The following THADA variants were observed in gnomAD, a reference collection of about 807,000 sequenced individuals.
THADA encodes tRNA (32-2'-O)-methyltransferase regulator THADA.
In THADA, 213 loss-of-function variants were observed where a neutral mutation model predicts 219.8. The observed-to-expected ratio is 0.97, with a 90% CI of 0.87 to 1.09. THADA has a LOEUF of 1.09. Among genes scored for constraint, THADA ranks in the 50% least tolerant of loss-of-function variants. THADA has a pLI of 0.00. For synonymous variants in THADA, 1,018 were observed against 828.9 expected, an observed-to-expected ratio of 1.23 and a Z score of -3.92; for missense variants, 2,956 against 2,311.3, an observed-to-expected ratio of 1.28 and a Z score of -5.72.
At chr2:43,457,183 C>CAT (rs1683117401) in intron 26 of THADA, among the ~76,000 whole-genome samples, 2 of 120,648 alleles carry the variant, frequency 1.7e-5, no homozygotes, top group Admixed American at 1.5e-4. Context: ...CACACACACA[C>CAT]ATGCACAGTG....
At chr2:43,317,423 TGGTCCATTCTTTCAA>T (rs914092820) in intron 31 of THADA, among the ~76,000 whole-genome samples, 8 of 152,208 alleles carry the variant, frequency 5.3e-5, no homozygotes, top group African/African-American at 1.9e-4. Flanking sequence ...ATCTAAGACA[TGGTCCATTCTTTCAA>T]GGAGCTTATA....
At chr2:43,465,754 C>T (rs1684154678) in intron 26 of THADA, among the ~76,000 whole-genome samples, 1 of 152,172 alleles carries the variant, frequency 6.6e-6, no homozygotes. Flanking sequence ...CTTCATCTGA[C>T]CTAGACCTCA....
At position 43,579,808 on chromosome 2, in the gene THADA, C is replaced by T. The variant is rs567300878; in HGVS notation, c.722-1201G>A. 7.2e-5 allele frequency among the ~76,000 whole-genome samples: 11 copies of T among 152,216 alleles called. No individual in the cohort carries two copies. In the South Asian group the frequency reaches 2.1e-3, roughly 29 times the overall value. The stretch of plus-strand genomic sequence containing the variant: ...GCAACAAACGTGGGTGAAAACCAAC[C>T]TGCTGAAGATGGCACAGCAGAAAAG... On this transcript the variant is annotated intron_variant, in intron 8 of 37. Transcript: ENST00000405975.
intron 36 of THADA, among the ~76,000 whole-genome samples, chr2:43,278,913 C>A (rs941679814): frequency 1.3e-5 from 2 of 152,178 alleles, no homozygotes; most frequent in Non-Finnish European, 2.9e-5. Context: ...CAGCTTTGAT[C>A]CCTTGCCTCA....
At chr2:43,390,754 G>A (rs927510909) in intron 29 of THADA, among the ~76,000 whole-genome samples, 1 of 152,310 alleles carries the variant, frequency 6.6e-6, no homozygotes, top group Non-Finnish European at 1.5e-5. Context: ...TGGAGGGCAA[G>A]GATGTGTCTC....
At chr2:43,410,858 C>G (rs73923600) in intron 28 of THADA, among the ~76,000 whole-genome samples, 3,027 of 152,146 alleles carry the variant, frequency 0.02, 88 homozygotes, top group African/African-American at 0.066. Flanking sequence ...GTTTATTTTA[C>G]ATCAATTGTA....
intron 36 of THADA, among the ~76,000 whole-genome samples, chr2:43,267,951 C>G (rs536379141): frequency 1.1e-4 from 17 of 152,330 alleles, no homozygotes; most frequent in Middle Eastern, 6.8e-3. Context: ...CCCAAGCTGA[C>G]AGCCCTGGTT....
In THADA at chr2:43,574,753, C is replaced by G; in HGVS notation, c.1312G>C (p.Val438Leu). The change falls in exon 11 of 38, where the codon GTG (valine) becomes CTG (leucine). Residue 438 changes from valine to leucine, a missense_variant. By Grantham distance (32) the Val-to-Leu change is conservative (BLOSUM62 1). Transcript: ENST00000405975. ...CGTAAAAGACTCTCAGTCAATTCCACAAAGAAAGGATCAGGGACGAAATCT... is the reference window on the plus strand; with the variant it reads ...CGTAAAAGACTCTCAGTCAATTCCAGAAAGAAAGGATCAGGGACGAAATCT... Reference protein sequence around the residue: ...GADFVPDPFFVELTESLLRLE... With the variant: ...GADFVPDPFFLELTESLLRLE... 6.2e-7 allele frequency: 1 copy of G among 1,614,006 alleles called. No homozygotes were observed. Among genetic ancestry groups the G allele is most frequent in the Admixed American group, 1.7e-5 (1 of 60,024 alleles).
At chr2:43,503,378 T>C (rs540040355) in intron 24 of THADA, among the ~76,000 whole-genome samples, 2 of 152,340 alleles carry the variant, frequency 1.3e-5, no homozygotes, top group Admixed American at 1.3e-4. Context: ...GAACAGGGGC[T>C]GAACAGGAGC....
At chr2:43,509,339 G>A (rs1394577096) in intron 22 of THADA, among the ~76,000 whole-genome samples, 1 of 152,156 alleles carries the variant, frequency 6.6e-6, no homozygotes. Flanking sequence ...TTACATCAGT[G>A]AGCTTCTGCA....
intron 35 of THADA, 38 bp downstream of exon 35, chr2:43,286,869 TG>T: frequency 6.3e-7 from 1 of 1,583,482 alleles, no homozygotes; most frequent in Non-Finnish European, 8.6e-7. Flanking sequence ...ATATTTTAAG[TG>T]AGTTTGGTAC....
intron 36 of THADA, among the ~76,000 whole-genome samples, chr2:43,250,282 G>A (rs1669680761): frequency 6.6e-6 from 1 of 152,166 alleles, no homozygotes; most frequent in Non-Finnish European, 1.5e-5. Context: ...TAAACATTAT[G>A]TCTAATGAAA....
At chr2:43,388,722 C>T (rs754973789) in intron 29 of THADA, among the ~76,000 whole-genome samples, 6 of 152,108 alleles carry the variant, frequency 3.9e-5, no homozygotes, top group African/African-American at 9.7e-5. Flanking sequence ...AGTGACTGAC[C>T]GGAGGAACCT....
At chr2:43,528,223 T>G (rs1437822910) in intron 21 of THADA, among the ~76,000 whole-genome samples, 1 of 143,324 alleles carries the variant, frequency 7.0e-6, no homozygotes, top group Non-Finnish European at 1.5e-5. Context: ...CTCCACCTCC[T>G]GGGTTCAAGT....
At chr2:43,537,281 G>A (rs1694729693) in intron 21 of THADA, among the ~76,000 whole-genome samples, 1 of 152,150 alleles carries the variant, frequency 6.6e-6, no homozygotes, top group Admixed American at 6.6e-5. Flanking sequence ...CCTGTAGTCT[G>A]ACTTTTTAAA....
intron 35 of THADA, among the ~76,000 whole-genome samples, chr2:43,281,858 C>T (rs930951692): frequency 1.4e-4 from 22 of 152,156 alleles, no homozygotes; most frequent in African/African-American, 3.9e-4. Context: ...CAGGCTCGAC[C>T]TCCCAGGTTC....
intron 36 of THADA, among the ~76,000 whole-genome samples, chr2:43,236,795 C>G (rs1668074723): frequency 1.3e-5 from 2 of 151,060 alleles, no homozygotes; most frequent in African/African-American, 4.9e-5. Flanking sequence ...GGCACGGTGG[C>G]TCACGCCTGT....
At chr2:43,444,896 C>T (rs1681322446) in intron 26 of THADA, among the ~76,000 whole-genome samples, 2 of 152,150 alleles carry the variant, frequency 1.3e-5, no homozygotes, top group South Asian at 4.1e-4. Flanking sequence ...GCATAGGAAA[C>T]AGTAGTAAAG....
chr2:43,511,825 A>C (rs1011141976), intron 22 of THADA, among the ~76,000 whole-genome samples: 2 of 152,194 alleles, frequency 1.3e-5, no homozygotes, highest in East Asian at 3.8e-4. Flanking sequence ...ACATGGGATC[A>C]GTACAGTGTC....
Sources: gnomAD v4.1 joint callset for allele counts (sites outside exome capture counted in the v4.1 genomes callset) on GRCh38, gnomAD v4.1.1 for gene constraint, MANE v1.5 for transcripts, NCBI Gene and HGNC (gene_info 2026-07-23, HGNC 2026-07-21) for gene names.